Variants in COPG2 observed in about 807,000 individuals in gnomAD.
COPG2 encodes coat protein complex I subunit gamma 2.
Under a neutral mutation model 46.3 loss-of-function variants are expected in COPG2, and 37 were observed. That is an observed-to-expected ratio of 0.80 (90% CI 0.61 to 1.05). The LOEUF is 1.05. COPG2 is among the 50% of genes least tolerant of loss of function. The pLI is 0.00. For synonymous variants in COPG2, 159 were observed against 129.7 expected (o/e 1.23, Z -1.53); for missense variants, 427 against 387.8 (o/e 1.10, Z -0.85).
chr7:130,521,643 G>T (rs1165723278), intron 20 of COPG2, among the ~76,000 whole-genome samples: 1 of 152,134 alleles, frequency 6.6e-6, no homozygotes, highest in African/African-American at 2.4e-5. Flanking sequence ...CACTATAATC[G>T]TATCATATGG....
intron 7 of COPG2, among the ~76,000 whole-genome samples, chr7:130,613,180 T>G (rs977655343): frequency 1.3e-5 from 2 of 152,150 alleles, no homozygotes; most frequent in African/African-American, 4.8e-5. Context: ...CATTAGGCAT[T>G]AGATTCTCAT....
At chr7:130,510,849 C>A in intron 20 of COPG2, 1 of 506,412 alleles carries the variant, frequency 2.0e-6, no homozygotes, top group South Asian at 1.5e-5. Flanking sequence ...AGGCAAGATG[C>A]GGGGGCCTTT....
rs1793470153 is a variant in COPG2 at position 130,547,827 on chromosome 7, G to C, written c.1996C>G (p.Leu666Val). The C allele has an allele frequency of 2.5e-6, 1 of 399,112 alleles. No individual in the cohort carries two copies. The allele number at this position is 399,112 out of a possible 1,614,324, so 24.7% of individuals were successfully genotyped here. A position where few individuals can be genotyped will look rare whatever the true frequency, so the allele number is the denominator to read the frequency against. Residue 666 changes from leucine to valine, a missense_variant, in exon 20 of 24, where the codon CTC becomes GTC. Physicochemically the swap from Leu to Val is conservative, Grantham distance 32 (BLOSUM62 1). Transcript: ENST00000425248. ...ACTTTTTCCAGCAGCTGGTCATTGAGAGTGTTGGTGCAGTCAAACTGAAAA... is the reference window on the plus strand; with the variant it reads ...ACTTTTTCCAGCAGCTGGTCATTGACAGTGTTGGTGCAGTCAAACTGAAAA... ...IVFQFDCTNTLNDQLLEKVTV... is the reference protein window; with the variant it reads ...IVFQFDCTNTVNDQLLEKVTV...
At chr7:130,629,734 T>C (rs1303858334) in intron 5 of COPG2, among the ~76,000 whole-genome samples, 5 of 152,048 alleles carry the variant, frequency 3.3e-5, no homozygotes, top group African/African-American at 1.2e-4. Flanking sequence ...CTGTTTGATA[T>C]TCTCTCAGCT....
intron 21 of COPG2, 27 bp downstream of exon 21, chr7:130,508,531 CAAAG>C (rs782511104): frequency 1.3e-6 from 1 of 752,132 alleles, no homozygotes; most frequent in Admixed American, 1.9e-5. Flanking sequence ...GTGAAGGTGT[CAAAG>C]AAAGTCTCTA....
At chr7:130,538,366 A>G (rs1459809237) in intron 20 of COPG2, among the ~76,000 whole-genome samples, 1 of 152,070 alleles carries the variant, frequency 6.6e-6, no homozygotes, top group African/African-American at 2.4e-5. Context: ...GAGGGGAAAG[A>G]ACATCATGAA....
chr7:130,546,962 C>T (rs1365258049), intron 20 of COPG2: 1 of 152,090 alleles, frequency 6.6e-6, no homozygotes, highest in Non-Finnish European at 1.5e-5. Context: ...GTGCACTGAA[C>T]ATGAGAAGAG....
intron 5 of COPG2, among the ~76,000 whole-genome samples, chr7:130,631,163 TTTTC>T (rs1297048169): frequency 7.8e-6 from 1 of 128,016 alleles, no homozygotes; most frequent in Non-Finnish European, 1.6e-5. Flanking sequence ...TCCCTTTTCT[TTTTC>T]TTTTCTTTTT....
intron 8 of COPG2, 35 bp downstream of exon 8, chr7:130,612,117 T>A (rs782788200): frequency 8.3e-6 from 12 of 1,445,182 alleles, no homozygotes; most frequent in South Asian, 1.2e-5. Context: ...AGAATGCTGA[T>A]CCTGAGACAA....
chr7:130,610,762 T>A (rs555613072), intron 9 of COPG2, 191 bp downstream of exon 9: 4 of 679,752 alleles, frequency 5.9e-6, no homozygotes, highest in Non-Finnish European at 1.0e-5. Flanking sequence ...ATTAAGTACA[T>A]ATACAAGAGC....
chr7:130,509,637 T>C (rs368257349), intron 20 of COPG2: 9 of 509,674 alleles, frequency 1.8e-5, no homozygotes, highest in African/African-American at 1.5e-4. Context: ...TCAATACATG[T>C]TGACATTACA....
intron 5 of COPG2, chr7:130,645,163 T>C (rs1366579697): frequency 8.8e-6 from 5 of 565,410 alleles, no homozygotes; most frequent in African/African-American, 3.9e-5. Context: ...TAAGAAAATA[T>C]GGTCCTCATG....
At chr7:130,651,748 C>T (rs961649635) in intron 5 of COPG2, among the ~76,000 whole-genome samples, 14 of 151,180 alleles carry the variant, frequency 9.3e-5, no homozygotes, top group African/African-American at 2.7e-4. Flanking sequence ...GATCTCCTGA[C>T]CTCATGATCC....
intron 3 of COPG2, among the ~76,000 whole-genome samples, 181 bp from the exon 4 acceptor site, chr7:130,663,219 C>T (rs1796012158): frequency 1.3e-5 from 2 of 152,250 alleles, no homozygotes; most frequent in Middle Eastern, 3.4e-3. Context: ...ACCCACATAG[C>T]CATTTATCCC....
chr7:130,640,118 G>C (rs1795435096), intron 5 of COPG2, among the ~76,000 whole-genome samples: 3 of 148,840 alleles, frequency 2.0e-5, no homozygotes, highest in African/African-American at 7.4e-5. Context: ...AAACAAACAA[G>C]GATTCTCCCC....
In COPG2 at chr7:130,507,673, A is replaced by G. The variant is rs782228710; in HGVS notation, c.2386+12T>C. On this transcript the variant is annotated intron_variant, in intron 22 of 23. Transcript: ENST00000425248. ...TTATCAGGCAATATACTGATAGCAA[A>G]ATGGGTCTCACCTTCAAGGGTTTTG... The G allele has an allele frequency of 5.1e-6, 4 of 779,856 alleles. No homozygotes were observed. In the African/African-American group the frequency reaches 6.8e-5, roughly 13 times the overall value. The allele number at this position is 779,856 out of a possible 1,614,324, so 48.3% of individuals were successfully genotyped here.
At position 130,668,676 on chromosome 7, in the gene COPG2, G is replaced by T; in HGVS notation, c.-8C>A. On this transcript the variant is annotated 5_prime_UTR_variant, in exon 1 of 24. Transcript: ENST00000425248. The stretch of plus-strand genomic sequence containing the variant: ...GTCGAATTTTTTAATCATCTTGGAC[G>T]ACTTCCCAGCGCCCAGACCCACCGC... 1 of 1,538,304 alleles carries T rather than the reference G, an allele frequency of 6.5e-7. No homozygotes were observed. The highest frequency in any genetic ancestry group is 8.7e-7 in the Non-Finnish European group (1 of 1,144,110).
chr7:130,571,872 C>T (rs946060394), intron 9 of COPG2, among the ~76,000 whole-genome samples: 19 of 151,880 alleles, frequency 1.3e-4, no homozygotes, highest in South Asian at 2.1e-4. Context: ...CACAAACGCG[C>T]GCACACACAC....
chr7:130,507,973 A>G, intron 21 of COPG2, 150 bp from the exon 22 acceptor site: 1 of 606,436 alleles, frequency 1.6e-6, no homozygotes, highest in Non-Finnish European at 2.9e-6. Flanking sequence ...CTAATGTTGT[A>G]GCCCTTAGCA....
Sources: gnomAD v4.1 joint callset for allele counts (sites outside exome capture counted in the v4.1 genomes callset) on GRCh38, gnomAD v4.1.1 for gene constraint, MANE v1.5 for transcripts, NCBI Gene and HGNC (gene_info 2026-07-23, HGNC 2026-07-21) for gene names.